The following PPFIA2 variants were observed in gnomAD, a reference collection of about 807,000 sequenced individuals.
PPFIA2 encodes the protein liprin-alpha-2.
Under a neutral mutation model 175.5 loss-of-function variants are expected in PPFIA2, and 46 were observed. That is an observed-to-expected ratio of 0.26 (90% CI 0.21 to 0.34). PPFIA2 has a LOEUF of 0.34. Among genes scored for constraint, PPFIA2 ranks in the 10% least tolerant of loss-of-function variants. The pLI, the probability that PPFIA2 is intolerant of heterozygous loss-of-function variation, is 1.00. For missense variants in PPFIA2, 1,179 were observed against 1,506.1 expected, an observed-to-expected ratio of 0.78 and a Z score of 3.60; for synonymous variants, 568 against 511.4, an observed-to-expected ratio of 1.11 and a Z score of -1.49.
intron 6 of PPFIA2, among the ~76,000 whole-genome samples, chr12:81,440,507 G>C (rs1593020521): frequency 6.6e-6 from 1 of 151,978 alleles, no homozygotes; most frequent in East Asian, 1.9e-4. Flanking sequence ...TTATTTGCCT[G>C]AAGGAAAGGC....
intron 7 of PPFIA2, among the ~76,000 whole-genome samples, chr12:81,425,838 GC>G (rs1206537037): frequency 1.3e-5 from 2 of 151,818 alleles, no homozygotes; most frequent in Non-Finnish European, 1.5e-5. Flanking sequence ...TACCATTTTG[GC>G]TTTATCAACA....
chr12:81,385,115 C>G (rs117908911), intron 8 of PPFIA2, among the ~76,000 whole-genome samples: 1 of 152,028 alleles, frequency 6.6e-6, no homozygotes, highest in African/African-American at 2.4e-5. Flanking sequence ...ATGCTCAATA[C>G]CAACAACGCA....
At chr12:81,403,123 G>C (rs577433065) in intron 8 of PPFIA2, among the ~76,000 whole-genome samples, 69 of 152,214 alleles carry the variant, frequency 4.5e-4, no homozygotes, top group African/African-American at 1.7e-3. Context: ...AAAAGCAAAT[G>C]AATACCAGTA....
intron 27 of PPFIA2, among the ~76,000 whole-genome samples, chr12:81,278,692 C>T (rs184275741): frequency 6.6e-6 from 1 of 152,056 alleles, no homozygotes; most frequent in East Asian, 1.9e-4. Flanking sequence ...AAAGGAAAAT[C>T]GATAAACCAG....
At chr12:81,450,179 G>T (rs1294101334) in intron 5 of PPFIA2, among the ~76,000 whole-genome samples, 3 of 152,076 alleles carry the variant, frequency 2.0e-5, no homozygotes. Context: ...TGGGTCAAAT[G>T]GTATTTCTAG....
chr12:81,273,879 C>G (rs2039814333), intron 28 of PPFIA2, among the ~76,000 whole-genome samples: 1 of 147,850 alleles, frequency 6.8e-6, no homozygotes, highest in Non-Finnish European at 1.5e-5. Context: ...GCCTCTTTCT[C>G]CCCGCCCCCC....
chr12:81,732,931 A>T (rs1287312143), intron 3 of PPFIA2, among the ~76,000 whole-genome samples: 1 of 151,598 alleles, frequency 6.6e-6, no homozygotes, highest in Non-Finnish European at 1.5e-5. Flanking sequence ...CACAGTCAAT[A>T]TGTAATTCAA....
chr12:81,503,085 C>T (rs573895411), intron 4 of PPFIA2, among the ~76,000 whole-genome samples: 1 of 152,242 alleles, frequency 6.6e-6, no homozygotes, highest in African/African-American at 2.4e-5. Context: ...CTAGACTAAA[C>T]ATTCCCACTT....
chr12:81,309,981 A>G (rs1366033270), intron 22 of PPFIA2, among the ~76,000 whole-genome samples: 4 of 152,108 alleles, frequency 2.6e-5, no homozygotes, highest in Non-Finnish European at 5.9e-5. Flanking sequence ...GCAAGACACC[A>G]TAGTCTGTAC....
intron 24 of PPFIA2, 155 bp from the exon 25 acceptor site, chr12:81,284,458 G>T: frequency 1.8e-6 from 1 of 569,822 alleles, no homozygotes; most frequent in Non-Finnish European, 3.2e-6. Flanking sequence ...TGGCTGGTTT[G>T]CTCAGAGCTC....
chr12:81,384,428 G>A (rs1159120426), intron 8 of PPFIA2, among the ~76,000 whole-genome samples, 184 bp from the exon 9 acceptor site: 1 of 151,952 alleles, frequency 6.6e-6, no homozygotes, highest in Non-Finnish European at 1.5e-5. Context: ...AAAATATGAA[G>A]GTAGATCAGT....
chr12:81,734,131 A>G (rs1006677192), intron 3 of PPFIA2, among the ~76,000 whole-genome samples: 1 of 151,776 alleles, frequency 6.6e-6, no homozygotes, highest in Non-Finnish European at 1.5e-5. Flanking sequence ...TATTGTGCCC[A>G]AATCTGAGAA....
chr12:81,697,652 A>T (rs1441680899), intron 3 of PPFIA2, among the ~76,000 whole-genome samples: 1 of 152,162 alleles, frequency 6.6e-6, no homozygotes, highest in Non-Finnish European at 1.5e-5. Context: ...ACTGAAAATC[A>T]ATCAGTAGAA....
intron 32 of PPFIA2, chr12:81,260,048 C>T (rs568594289): frequency 2.6e-4 from 42 of 159,370 alleles, no homozygotes; most frequent in South Asian, 2.0e-4. Context: ...TTAAAAAATA[C>T]CTTTATTTGT....
At chr12:81,429,035 A>C (rs953650462) in intron 7 of PPFIA2, among the ~76,000 whole-genome samples, 1 of 152,070 alleles carries the variant, frequency 6.6e-6, no homozygotes, top group African/African-American at 2.4e-5. Flanking sequence ...CTTTTATCTG[A>C]CTTTCTGTTC....
At chr12:81,345,572 T>A (rs2058924559) in intron 18 of PPFIA2, among the ~76,000 whole-genome samples, 1 of 152,158 alleles carries the variant, frequency 6.6e-6, no homozygotes, top group Non-Finnish European at 1.5e-5. Flanking sequence ...TATCAAGAGT[T>A]ATGATGCTTA....
intron 4 of PPFIA2, among the ~76,000 whole-genome samples, chr12:81,498,903 G>A (rs776909185): frequency 2.0e-5 from 3 of 152,166 alleles, no homozygotes; most frequent in East Asian, 1.9e-4. Flanking sequence ...GATTAGAGAC[G>A]TGAGCCACCG....
intron 7 of PPFIA2, chr12:81,431,306 C>G (rs2048052793): frequency 6.6e-6 from 1 of 152,072 alleles, no homozygotes; most frequent in Non-Finnish European, 1.5e-5. Context: ...ATTTATTACC[C>G]CTTGTACTTC....
At chr12:81,515,454 A>G (rs1384874310) in intron 4 of PPFIA2, among the ~76,000 whole-genome samples, 4 of 152,076 alleles carry the variant, frequency 2.6e-5, no homozygotes, top group Admixed American at 2.6e-4. Context: ...AAAAATGTAA[A>G]TAGCAAAAAT....
Sources: gnomAD v4.1 joint callset for allele counts (sites outside exome capture counted in the v4.1 genomes callset) on GRCh38, gnomAD v4.1.1 for gene constraint, MANE v1.5 for transcripts, NCBI Gene and HGNC (gene_info 2026-07-23, HGNC 2026-07-21) for gene names.